KCNMB2: variants seen among roughly 807,000 people sequenced by gnomAD.
KCNMB2 encodes potassium calcium-activated channel subfamily M regulatory beta subunit 2.
KCNMB2 carries 9 observed loss-of-function variants against 24.5 expected under a neutral mutation model. The observed-to-expected ratio is 0.37, with a 90% CI of 0.22 to 0.64. KCNMB2 has a LOEUF of 0.64. Ranked by LOEUF, KCNMB2 falls within the 30% of genes least tolerant of loss-of-function variation. The pLI is 0.63. For synonymous variants in KCNMB2, 109 were observed against 104.4 expected (o/e 1.04, Z -0.27); for missense variants, 226 against 284.3 (o/e 0.79, Z 1.47).
intron 1 of KCNMB2, among the ~76,000 whole-genome samples, chr3:178,750,388 A>C (rs1391936372): frequency 6.6e-6 from 1 of 152,142 alleles, no homozygotes; most frequent in East Asian, 1.9e-4. Context: ...TCTACAAAAA[A>C]AAACAAAAAC....
At chr3:178,769,759 A>G (rs1712268423) in intron 1 of KCNMB2, among the ~76,000 whole-genome samples, 1 of 152,218 alleles carries the variant, frequency 6.6e-6, no homozygotes, top group Non-Finnish European at 1.5e-5. Context: ...TAGCCAACAA[A>G]TTTTTATGAG....
Position 178,843,925 on chromosome 3 carries a change from C to T in KCNMB2, c.*988C>T, listed in dbSNP as rs1715517529. 6.6e-6 allele frequency: 1 copy of T among 152,166 alleles called. No homozygotes were observed. The highest frequency in any genetic ancestry group is 1.5e-5 in the Non-Finnish European group (1 of 67,996). The allele number at this position is 152,166 out of a possible 1,614,324, so 9.4% of individuals were successfully genotyped here. ...GTAGTATCTCCTTCTGACAAGCATTCCCTATTGGGATTTTAAAGCTATGTG... is the reference window on the plus strand; with the variant it reads ...GTAGTATCTCCTTCTGACAAGCATTTCCTATTGGGATTTTAAAGCTATGTG... On this transcript the variant is annotated 3_prime_UTR_variant, in exon 5 of 5. Coordinates refer to ENST00000452583, the MANE Select transcript of KCNMB2 (RefSeq NM_181361.3).
At chr3:178,742,770 T>C (rs1208570733) in intron 1 of KCNMB2, among the ~76,000 whole-genome samples, 1 of 151,860 alleles carries the variant, frequency 6.6e-6, no homozygotes, top group African/African-American at 2.4e-5. Flanking sequence ...TCTCAAAGGG[T>C]TTTGAGTTGA....
At chr3:178,708,657 C>G (rs1249095754) in intron 1 of KCNMB2, among the ~76,000 whole-genome samples, 1 of 152,088 alleles carries the variant, frequency 6.6e-6, no homozygotes, top group Non-Finnish European at 1.5e-5. Flanking sequence ...TCCCTCTATA[C>G]CATGAGCTAT....
At chr3:178,666,243 G>A (rs1230984389) in intron 1 of KCNMB2, among the ~76,000 whole-genome samples, 4 of 152,292 alleles carry the variant, frequency 2.6e-5, no homozygotes, top group African/African-American at 9.6e-5. Flanking sequence ...AGAGGGTCAT[G>A]AAAGAGATAG....
chr3:178,680,638 C>A (rs1444631386), intron 1 of KCNMB2, among the ~76,000 whole-genome samples: 3 of 152,144 alleles, frequency 2.0e-5, no homozygotes, highest in Admixed American at 2.0e-4. Context: ...TATCCTCCAT[C>A]AGAGCTCTCT....
At position 178,842,642 on chromosome 3, in the gene KCNMB2, A is replaced by C; in HGVS notation, c.424-11A>C. 6.4e-7 allele frequency: 1 copy of C among 1,567,902 alleles called. No homozygotes were observed. Among genetic ancestry groups the C allele is most frequent in the East Asian group, 2.2e-5 (1 of 44,608 alleles). On this transcript the variant is annotated splice_polypyrimidine_tract_variant and intron_variant, in intron 4 of 4. Coordinates refer to ENST00000452583, the MANE Select transcript of KCNMB2 (RefSeq NM_181361.3). ...GTATCTTCTAGTAACAGTTTATCTT[A>C]TTCTCCACAGTGCTCCTATATACCT... is the stretch of plus-strand genomic sequence containing the variant.
chr3:178,577,116 C>T (rs1351521568), intron 1 of KCNMB2, among the ~76,000 whole-genome samples: 3 of 152,156 alleles, frequency 2.0e-5, no homozygotes, highest in African/African-American at 7.2e-5. Context: ...CACTGGAGAG[C>T]TCCAGCTGGC....
At chr3:178,763,218 T>C (rs1257098253) in intron 1 of KCNMB2, among the ~76,000 whole-genome samples, 1 of 152,188 alleles carries the variant, frequency 6.6e-6, no homozygotes, top group East Asian at 1.9e-4. Flanking sequence ...CTGTAGGTGA[T>C]GGTTGAGTAT....
chr3:178,810,361 ATCCTCAGCTGCTC>A (rs1192097941), intron 2 of KCNMB2, among the ~76,000 whole-genome samples: 1 of 152,136 alleles, frequency 6.6e-6, no homozygotes, highest in East Asian at 1.9e-4. Flanking sequence ...GCCATACAAA[ATCCTCAGCTGCTC>A]TCCACACCTC....
At chr3:178,831,510 G>A (rs1025971844) in intron 4 of KCNMB2, among the ~76,000 whole-genome samples, 1 of 152,120 alleles carries the variant, frequency 6.6e-6, no homozygotes, top group South Asian at 2.1e-4. Flanking sequence ...CCCATCAACA[G>A]TGGACAGGAT....
intron 1 of KCNMB2, among the ~76,000 whole-genome samples, chr3:178,708,294 C>A (rs1182004875): frequency 6.6e-6 from 1 of 152,048 alleles, no homozygotes; most frequent in Non-Finnish European, 1.5e-5. Flanking sequence ...CTTTGTACTA[C>A]CAGTGGTGGT....
intron 1 of KCNMB2, among the ~76,000 whole-genome samples, chr3:178,791,842 T>C (rs1713334336): frequency 7.1e-6 from 1 of 141,170 alleles, no homozygotes; most frequent in Admixed American, 7.1e-5. Flanking sequence ...ATATTTAAAG[T>C]ACTGAAAGAA....
chr3:178,681,408 G>GC (rs1260267769), intron 1 of KCNMB2, among the ~76,000 whole-genome samples: 1 of 152,034 alleles, frequency 6.6e-6, no homozygotes, highest in South Asian at 2.1e-4. Flanking sequence ...TTTATTAATG[G>GC]CCCCCCAAAA....
intron 1 of KCNMB2, among the ~76,000 whole-genome samples, chr3:178,770,724 C>T (rs79056950): frequency 6.6e-6 from 1 of 152,230 alleles, no homozygotes; most frequent in Non-Finnish European, 1.5e-5. Context: ...TTTACTATCA[C>T]TGAAATTTAC....
intron 1 of KCNMB2, among the ~76,000 whole-genome samples, chr3:178,565,695 A>G (rs1384846112): frequency 6.6e-6 from 1 of 152,194 alleles, no homozygotes; most frequent in Non-Finnish European, 1.5e-5. Flanking sequence ...TGACTTTCAG[A>G]TTCTCTACCA....
chr3:178,678,201 C>A (rs1721136536), intron 1 of KCNMB2, among the ~76,000 whole-genome samples: 1 of 152,026 alleles, frequency 6.6e-6, no homozygotes. Flanking sequence ...TATCTTGAGA[C>A]CAGTGCTTCC....
intron 2 of KCNMB2, among the ~76,000 whole-genome samples, chr3:178,812,468 A>G (rs548012943): frequency 1.4e-5 from 2 of 139,558 alleles, no homozygotes; most frequent in Admixed American, 8.1e-5. Flanking sequence ...ATTCCCACCT[A>G]TGAGTGAGAA....
At chr3:178,574,412 C>G (rs1368110780) in intron 1 of KCNMB2, among the ~76,000 whole-genome samples, 1 of 152,214 alleles carries the variant, frequency 6.6e-6, no homozygotes, top group Non-Finnish European at 1.5e-5. Flanking sequence ...TTAAGTATTT[C>G]TTCATGTTCA....
Sources: allele counts gnomAD v4.1 joint callset (sites outside exome capture counted in the v4.1 genomes callset), GRCh38; gene constraint gnomAD v4.1.1; transcripts MANE v1.5; gene names NCBI Gene and HGNC (gene_info 2026-07-23, HGNC 2026-07-21).